The following UNC5D variants were observed in gnomAD, a reference collection of about 807,000 sequenced individuals.
UNC5D encodes netrin receptor UNC5D.
Under a neutral mutation model 105.4 loss-of-function variants are expected in UNC5D, and 39 were observed. That is an observed-to-expected ratio of 0.37 (90% CI 0.29 to 0.48). The LOEUF (loss-of-function observed/expected upper bound fraction) is 0.48. Among genes scored for constraint, UNC5D ranks in the 20% least tolerant of loss-of-function variants. The pLI is 0.98. For synonymous variants in UNC5D, 452 were observed against 450.4 expected (o/e 1.00, Z -0.04); for missense variants, 991 against 1,202.4 (o/e 0.82, Z 2.60).
intron 1 of UNC5D, among the ~76,000 whole-genome samples, chr8:35,425,959 G>A (rs535882731): frequency 7.9e-5 from 12 of 152,124 alleles, no homozygotes; most frequent in Middle Eastern, 3.4e-3. Context: ...ATTTTTGAAC[G>A]TCCTTTTTAG....
chr8:35,663,872 T>A (rs923579770), intron 4 of UNC5D, among the ~76,000 whole-genome samples: 3 of 152,228 alleles, frequency 2.0e-5, no homozygotes, highest in East Asian at 3.9e-4. Context: ...TTTGAAAATA[T>A]GAGGTAAAGA....
intron 1 of UNC5D, among the ~76,000 whole-genome samples, chr8:35,399,145 C>CAAAAAAAAAAA (rs1029547730): frequency 1.8e-5 from 1 of 54,702 alleles, no homozygotes; most frequent in Non-Finnish European, 3.7e-5. Context: ...ACTCCATCTC[C>CAAAAAAAAAAA]AAAAAAAAAA....
At chr8:35,533,086 G>A (rs1814526776) in intron 1 of UNC5D, among the ~76,000 whole-genome samples, 2 of 151,416 alleles carry the variant, frequency 1.3e-5, no homozygotes, top group South Asian at 4.2e-4. Flanking sequence ...TCCGTTGCTG[G>A]TGAGGAACTG....
At chr8:35,524,473 G>A (rs980052277) in intron 1 of UNC5D, among the ~76,000 whole-genome samples, 7 of 151,450 alleles carry the variant, frequency 4.6e-5, no homozygotes, top group Non-Finnish European at 7.4e-5. Flanking sequence ...ATGGTGGAGA[G>A]GGCAATACAT....
chr8:35,325,421 C>G (rs143242898), intron 1 of UNC5D, among the ~76,000 whole-genome samples: 19 of 152,056 alleles, frequency 1.2e-4, no homozygotes, highest in Non-Finnish European at 2.4e-4. Context: ...ACAAGGCAGG[C>G]AGAAAAGTAA....
In UNC5D at chr8:35,796,122, A is replaced by G. The variant is rs1803242307; in HGVS notation, c.*5559A>G. ...TGTGTTCAAAGCCAAAAAATAAAAT[A>G]AAATAAAGCAGGGCTGAACACTTAA... On this transcript the variant is annotated 3_prime_UTR_variant, in exon 17 of 17. Coordinates refer to ENST00000404895, the MANE Select transcript of UNC5D (RefSeq NM_080872.4). 6.6e-6 allele frequency: 1 copy of G among 152,202 alleles called. No individual in the cohort carries two copies. Among genetic ancestry groups the G allele is most frequent in the South Asian group, 2.1e-4 (1 of 4,826 alleles). The allele number at this position is 152,202 out of a possible 1,614,324, so 9.4% of individuals were successfully genotyped here.
chr8:35,244,886 C>T (rs1464194239), intron 1 of UNC5D, among the ~76,000 whole-genome samples: 5 of 151,598 alleles, frequency 3.3e-5, no homozygotes, highest in East Asian at 1.9e-4. Context: ...CGTGGTTGTT[C>T]GTGCCTGTAG....
intron 1 of UNC5D, among the ~76,000 whole-genome samples, chr8:35,388,375 A>C (rs960364272): frequency 6.6e-6 from 1 of 151,922 alleles, no homozygotes; most frequent in Non-Finnish European, 1.5e-5. Context: ...AAAAAAACCC[A>C]AAAAAACAAA....
chr8:35,575,910 C>T (rs992865864), intron 3 of UNC5D, among the ~76,000 whole-genome samples: 1 of 152,080 alleles, frequency 6.6e-6, no homozygotes, highest in African/African-American at 2.4e-5. Flanking sequence ...AAATACAGCT[C>T]CTCTCACATT....
chr8:35,284,045 G>A (rs4582555), intron 1 of UNC5D, among the ~76,000 whole-genome samples: 124,741 of 152,134 alleles, frequency 0.82, 51,601 homozygotes, highest in East Asian at 1. Context: ...TAAATTGCAG[G>A]AAGATTTAGT....
chr8:35,324,578 C>A (rs946231927), intron 1 of UNC5D, among the ~76,000 whole-genome samples: 1 of 152,110 alleles, frequency 6.6e-6, no homozygotes, highest in African/African-American at 2.4e-5. Flanking sequence ...TAGGTAACTG[C>A]AGCCATTTGT....
At chr8:35,298,019 T>G (rs2128868140) in intron 1 of UNC5D, among the ~76,000 whole-genome samples, 1 of 152,290 alleles carries the variant, frequency 6.6e-6, no homozygotes, top group East Asian at 1.9e-4. Context: ...AGTCTCAGGC[T>G]TCACATAGGG....
intron 11 of UNC5D, among the ~76,000 whole-genome samples, chr8:35,747,526 G>A (rs1480888681): frequency 2.0e-5 from 3 of 152,098 alleles, no homozygotes; most frequent in African/African-American, 7.2e-5. Flanking sequence ...CAGCTCTCCC[G>A]TAGCATTGCT....
intron 1 of UNC5D, among the ~76,000 whole-genome samples, chr8:35,377,933 A>G (rs2128929780): frequency 6.6e-6 from 1 of 151,946 alleles, no homozygotes; most frequent in East Asian, 1.9e-4. Context: ...TCATTCTCTC[A>G]CCATATTGCA....
At chr8:35,408,979 A>G (rs567787668) in intron 1 of UNC5D, among the ~76,000 whole-genome samples, 2 of 151,556 alleles carry the variant, frequency 1.3e-5, no homozygotes, top group South Asian at 4.2e-4. Flanking sequence ...CAACTTGAAA[A>G]CTCCTATAGT....
intron 4 of UNC5D, among the ~76,000 whole-genome samples, chr8:35,669,417 A>G (rs553091253): frequency 3.0e-4 from 45 of 151,878 alleles, no homozygotes; most frequent in African/African-American, 4.6e-4. Flanking sequence ...TGGTATTCCT[A>G]TATCACTTGT....
intron 1 of UNC5D, among the ~76,000 whole-genome samples, chr8:35,263,966 T>G (rs1330552899): frequency 6.6e-6 from 1 of 152,250 alleles, no homozygotes; most frequent in Non-Finnish European, 1.5e-5. Context: ...CATGATTTTT[T>G]GCTATAATTA....
At chr8:35,755,640 C>T (rs1830484637) in intron 13 of UNC5D, among the ~76,000 whole-genome samples, 1 of 152,090 alleles carries the variant, frequency 6.6e-6, no homozygotes, top group African/African-American at 2.4e-5. Flanking sequence ...TTTTTCCTGG[C>T]CACAGCTTCT....
At chr8:35,565,509 A>G (rs1304357062) in intron 2 of UNC5D, among the ~76,000 whole-genome samples, 1 of 152,104 alleles carries the variant, frequency 6.6e-6, no homozygotes, top group African/African-American at 2.4e-5. Flanking sequence ...ATAGTTTGCA[A>G]ATATTTTCTC....
Sources: allele counts gnomAD v4.1 joint callset (sites outside exome capture counted in the v4.1 genomes callset), GRCh38; gene constraint gnomAD v4.1.1; transcripts MANE v1.5; gene names NCBI Gene and HGNC (gene_info 2026-07-23, HGNC 2026-07-21).